Variants in ICMT observed in about 807,000 individuals in gnomAD.
ICMT encodes the protein isoprenylcysteine carboxyl methyltransferase.
In ICMT, 10 loss-of-function variants were observed where a neutral mutation model predicts 32.2. The observed-to-expected ratio is 0.31, with a 90% confidence interval of 0.19 to 0.53. The LOEUF is 0.53. Ranked by LOEUF, ICMT falls within the 20% of genes least tolerant of loss-of-function variation. The probability of loss-of-function intolerance (pLI) is 0.96; values close to 1 mark genes in which losing one functional copy is unlikely to be tolerated. For missense variants in ICMT, 265 were observed against 356.9 expected, an observed-to-expected ratio of 0.74 and a Z score of 2.07; for synonymous variants, 183 against 158.2, an observed-to-expected ratio of 1.16 and a Z score of -1.18.
chr1:6,229,732 G>A (rs1192631750), intron 4 of ICMT, among the ~76,000 whole-genome samples: 4 of 151,884 alleles, frequency 2.6e-5, no homozygotes, highest in Non-Finnish European at 5.9e-5. Flanking sequence ...TAGCCTGGGT[G>A]AGAGACCCTG....
At chr1:6,232,456 A>T (rs1310979826) in intron 3 of ICMT, among the ~76,000 whole-genome samples, 1 of 152,228 alleles carries the variant, frequency 6.6e-6, no homozygotes, top group East Asian at 1.9e-4. Context: ...GAAGCAAAAA[A>T]GGGTCCAAGG....
chr1:6,233,435 C>T (rs981432278), intron 3 of ICMT, 39 bp downstream of exon 3: 26 of 1,581,330 alleles, frequency 1.6e-5, no homozygotes, highest in Non-Finnish European at 2.2e-5. Flanking sequence ...ATGGGAGCCA[C>T]CCTTTTCCCC....
At chr1:6,231,186 AGAAAG>A (rs1176358819) in intron 4 of ICMT, among the ~76,000 whole-genome samples, 1 of 152,060 alleles carries the variant, frequency 6.6e-6, no homozygotes, top group African/African-American at 2.4e-5. Flanking sequence ...AAAAAAAGAA[AGAAAG>A]AAAAGAAAAG....
intron 4 of ICMT, among the ~76,000 whole-genome samples, chr1:6,227,830 T>C (rs1304906532): frequency 6.6e-6 from 1 of 151,230 alleles, no homozygotes; most frequent in East Asian, 2.0e-4. Context: ...CACTCCAGCC[T>C]GGGCGACAGA....
chr1:6,228,553 A>C (rs1263644921), intron 4 of ICMT, among the ~76,000 whole-genome samples: 1 of 151,872 alleles, frequency 6.6e-6, no homozygotes, highest in Non-Finnish European at 1.5e-5. Context: ...TGTGTTAGCC[A>C]GGATGGTCTT....
chr1:6,226,958 C>CT (rs1277952114), intron 4 of ICMT, among the ~76,000 whole-genome samples: 1 of 152,226 alleles, frequency 6.6e-6, no homozygotes, highest in Non-Finnish European at 1.5e-5. Context: ...ACTCCGGGGC[C>CT]TGTACCCTCA....
In ICMT at chr1:6,235,698, G is replaced by C. The variant is rs1188854529; in HGVS notation, c.195+19C>G. ...GCCGCCCGCCCCGCCGGCCCCCGCC[G>C]GCCCCCGCCGGCCTGCACCTGGTAG... On this transcript the variant is annotated intron_variant, in intron 1 of 4. Coordinates refer to ENST00000343813, the MANE Select transcript of ICMT (RefSeq NM_012405.4). 8.5e-7 allele frequency: 1 copy of C among 1,174,254 alleles called. No homozygotes were observed. The highest frequency in any genetic ancestry group is 1.0e-6 in the Non-Finnish European group (1 of 954,056). The allele number at this position is 1,174,254 out of a possible 1,614,324, so 72.7% of individuals were successfully genotyped here.
At chr1:6,232,729 G>A (rs896020079) in intron 3 of ICMT, among the ~76,000 whole-genome samples, 3 of 151,740 alleles carry the variant, frequency 2.0e-5, no homozygotes, top group Non-Finnish European at 2.9e-5. Flanking sequence ...TGTATTTTTC[G>A]TAGAGACGGG....
In ICMT at chr1:6,235,942, C is replaced by A; in HGVS notation, c.-31G>T. ...CGGGCGGCGGACTAGCGGGCGGCGGCGCCGGCTGTAGCCCGGAGAAACGCG... is the reference window on the plus strand; with the variant it reads ...CGGGCGGCGGACTAGCGGGCGGCGGAGCCGGCTGTAGCCCGGAGAAACGCG... On this transcript the variant is annotated 5_prime_UTR_variant, in exon 1 of 5. Coordinates refer to ENST00000343813, the MANE Select transcript of ICMT (RefSeq NM_012405.4). The A allele has an allele frequency of 9.2e-7, 1 of 1,082,342 alleles. No individual in the cohort carries two copies. 67.0% of individuals were successfully genotyped at this position (1,082,342 alleles called of 1,614,324 possible).
intron 3 of ICMT, 107 bp downstream of exon 3, chr1:6,233,367 A>T (rs1668766983): frequency 3.9e-6 from 4 of 1,021,704 alleles, no homozygotes; most frequent in Non-Finnish European, 5.8e-6. Flanking sequence ...GTCTGCGGAA[A>T]ATCGCTTGGG....
chr1:6,231,478 G>A (rs1246062411), intron 4 of ICMT, among the ~76,000 whole-genome samples: 2 of 151,914 alleles, frequency 1.3e-5, no homozygotes, highest in Non-Finnish European at 2.9e-5. Flanking sequence ...AGGCTGAGGT[G>A]GGAGGATCAC....
chr1:6,230,131 T>TC lies in ICMT; in HGVS notation c.672+1770_672+1771insG, dbSNP rs528210582. ...AAAGGAGGAACCATCTCTTTTTTTT[T>TC]TGAGACAGAGTCTCACTCCATCACC... On this transcript the variant is annotated intron_variant, in intron 4 of 4. Transcript: ENST00000343813. Among the ~76,000 whole-genome samples the TC allele has an allele frequency of 5.2e-4, 79 of 151,806 alleles. 2 individuals are homozygous for TC. Among genetic ancestry groups the TC allele is most frequent in the African/African-American group, 1.9e-3 (77 of 41,378 alleles).
chr1:6,234,451 G>A (rs772588159), intron 2 of ICMT: 16 of 495,120 alleles, frequency 3.2e-5, no homozygotes, highest in Non-Finnish European at 6.4e-5. Context: ...AGGCTCAAGG[G>A]ACTGAAATCA....
intron 4 of ICMT, 47 bp from the exon 5 acceptor site, chr1:6,225,309 G>T: frequency 6.4e-7 from 1 of 1,563,742 alleles, no homozygotes; most frequent in Non-Finnish European, 8.7e-7. Flanking sequence ...GTGGGATGAC[G>T]CCCTGTGCTT....
In ICMT at chr1:6,224,515, C is replaced by T. The variant is rs1355878661; in HGVS notation, c.*565G>A. On this transcript the variant is annotated 3_prime_UTR_variant, in exon 5 of 5. Transcript: ENST00000343813. ...CTACTTATAAAAAATAGGTATGTAG[C>T]TATGATTAAATAGATGAAGGGCCAA... 6.6e-6 allele frequency: 1 copy of T among 152,346 alleles called. No homozygotes were observed. The highest frequency in any genetic ancestry group is 1.5e-5 in the Non-Finnish European group (1 of 68,220). 9.4% of individuals were successfully genotyped at this position (152,346 alleles called of 1,614,324 possible). A position where few individuals can be genotyped will look rare whatever the true frequency, so the allele number is the denominator to read the frequency against.
At position 6,221,732 on chromosome 1, in the gene ICMT, C is replaced by T. The variant is rs58443742; in HGVS notation, c.*3348G>A. ...TACTTTTTAGGCTCAAGGAGCAGCTCGTGAAGGGGTGGCAGGTGCGCTGCT... is the reference window on the plus strand; with the variant it reads ...TACTTTTTAGGCTCAAGGAGCAGCTTGTGAAGGGGTGGCAGGTGCGCTGCT... On this transcript the variant is annotated 3_prime_UTR_variant, in exon 5 of 5. Transcript: ENST00000343813. The T allele has an allele frequency of 0.079, 12,091 of 152,296 alleles. 803 individuals are homozygous for T. The highest frequency in any genetic ancestry group is 0.18 in the African/African-American group (7,558 of 41,510). 9.4% of individuals were successfully genotyped at this position (152,296 alleles called of 1,614,324 possible). A position where few individuals can be genotyped will look rare whatever the true frequency, so the allele number is the denominator to read the frequency against.
rs946532325 is a variant in ICMT at position 6,233,559 on chromosome 1, G to A, written c.369C>T (p.Ser123=). The stretch of plus-strand genomic sequence containing the variant: ...ACTCCAGGCTGTGATTCAGGAGAAA[G>A]GAATCCAAGGACAGACTTTTGGGAT... ...VNNPKSLSLD[S]FLLNHSLEYT... Residue 123 remains serine (S), a synonymous_variant, in exon 3 of 5, where the codon TCC becomes TCT. Transcript: ENST00000343813. 1 of 1,613,912 alleles carries A rather than the reference G, an allele frequency of 6.2e-7. No individual in the cohort carries two copies. Among genetic ancestry groups the A allele is most frequent in the African/African-American group, 1.3e-5 (1 of 74,932 alleles).
rs574891096 is a variant in ICMT, at chr1:6,223,299, G to A, written c.*1781C>T. 196 of 152,292 alleles carry A rather than the reference G, an allele frequency of 1.3e-3. 1 individual carries two copies. The highest frequency in any genetic ancestry group is 4.4e-3 in the African/African-American group (184 of 41,546). 9.4% of individuals were successfully genotyped at this position (152,292 alleles called of 1,614,324 possible). On this transcript the variant is annotated 3_prime_UTR_variant, in exon 5 of 5. Transcript: ENST00000343813. ...TTTTTTTGTATTTTTAGTAGAGACG[G>A]GGTTTTATCATGTTGGCCAGGCTGG...
At position 6,235,628 on chromosome 1, in the gene ICMT, G is replaced by A; in HGVS notation, c.195+89C>T. 4.3e-6 allele frequency: 4 copies of A among 924,020 alleles called. No homozygotes were observed. In the South Asian group the frequency reaches 2.0e-4, roughly 47 times the overall value. 57.2% of individuals were successfully genotyped at this position (924,020 alleles called of 1,614,324 possible). ...AAGAGCGCGCGCGTGGGAGGCCACT[G>A]CGGGCCCGGGGAGAAAGGTGCCCAC... On this transcript the variant is annotated intron_variant, in intron 1 of 4. Transcript: ENST00000343813.
Sources: allele counts gnomAD v4.1 joint callset (sites outside exome capture counted in the v4.1 genomes callset), GRCh38; gene constraint gnomAD v4.1.1; transcripts MANE v1.5; gene names NCBI Gene and HGNC (gene_info 2026-07-23, HGNC 2026-07-21).